PARP12: variants seen among roughly 807,000 people sequenced by gnomAD.
PARP12 encodes the protein poly(ADP-ribose) polymerase family member 12, also known as protein mono-ADP-ribosyltransferase PARP12.
A neutral mutation model predicts 72.4 loss-of-function variants in PARP12; 59 were observed. That is an observed-to-expected ratio of 0.81 (90% CI 0.66 to 1.01). The LOEUF is 1.01. Ranked by LOEUF, PARP12 falls within the 50% of genes least tolerant of loss-of-function variation. The pLI, the probability that PARP12 is intolerant of heterozygous loss-of-function variation, is 0.00. For missense variants in PARP12, 851 were observed against 914.0 expected, an observed-to-expected ratio of 0.93 and a Z score of 0.89; for synonymous variants, 403 against 371.4, an observed-to-expected ratio of 1.09 and a Z score of -0.98.
At position 140,062,582 on chromosome 7, in the gene PARP12, C is replaced by CAGAG; in HGVS notation, c.262_265dup (p.Cys89SerfsTer26). On this transcript the variant is annotated frameshift_variant, in exon 1 of 12. Transcript: ENST00000263549. LOFTEE classifies it high-confidence loss of function. ...GAACCTGCAGAGGTGGAGCTGCGCGCAGAGCCCCACGCAGCCCGGCTTGGA... is the reference window on the plus strand; with the variant it reads ...GAACCTGCAGAGGTGGAGCTGCGCGCAGAGAGAGCCCCACGCAGCCCGGCTTGGA... The CAGAG allele has an allele frequency of 6.5e-7, 1 of 1,543,716 alleles. No individual in the cohort carries two copies. The highest frequency in any genetic ancestry group is 1.2e-5 in the South Asian group (1 of 84,832).
intron 4 of PARP12, among the ~76,000 whole-genome samples, 165 bp from the exon 5 acceptor site, chr7:140,047,172 A>G (rs1816765729): frequency 6.6e-6 from 1 of 152,206 alleles, no homozygotes; most frequent in African/African-American, 2.4e-5. Flanking sequence ...TTAGATACAG[A>G]AACACTTTTT....
rs1289997345 is a variant in PARP12, at chr7:140,037,790, T to C, written c.1249A>G (p.Thr417Ala). 1 of 1,614,214 alleles carries C rather than the reference T, an allele frequency of 6.2e-7. No individual in the cohort carries two copies. The highest frequency in any genetic ancestry group is 1.7e-5 in the Admixed American group (1 of 60,032). ...DVEKAYLAYCTPGSDGQAATL... is the reference protein window; with the variant it reads ...DVEKAYLAYCAPGSDGQAATL... ...GCTGCCTGGCCGTCAGACCCCGGTGTACAGTAGGCCAGGTAGGCCTTCTCC... is the reference window on the plus strand; with the variant it reads ...GCTGCCTGGCCGTCAGACCCCGGTGCACAGTAGGCCAGGTAGGCCTTCTCC... Residue 417 changes from threonine (T) to alanine (A), a missense_variant, in exon 7 of 12, where the codon ACA becomes GCA. By Grantham distance (58) the Thr-to-Ala change is moderately conservative (BLOSUM62 0). Around this residue, in one of 3 missense-constraint regions of PARP12, gnomAD observed 347 missense variants for 396.1 expected, o/e 0.88. Transcript: ENST00000263549.
intron 1 of PARP12, among the ~76,000 whole-genome samples, chr7:140,060,225 C>G (rs1367673580): frequency 6.6e-6 from 1 of 152,204 alleles, no homozygotes; most frequent in Non-Finnish European, 1.5e-5. Context: ...TAGCAAGGAG[C>G]AGAGCCCAGG....
Position 140,062,721 on chromosome 7 carries a change from G to C in PARP12, c.127C>G (p.Leu43Val), listed in dbSNP as rs1322903020. ...ACCACGAAGCGCCCACGCTGCCGCA[G>C]CAGCCGCTCCAGCGCGTCGGCGCTC... The part of the protein sequence containing the change: ...GLSADALERL[L>V]RQRGRFVVAV... Residue 43 changes from leucine (L) to valine (V), a missense_variant, in exon 1 of 12, where the codon CTG becomes GTG. Around this residue, in one of 3 missense-constraint regions of PARP12, gnomAD observed 492 missense variants for 489.3 expected, o/e 1.01. Transcript: ENST00000263549. The C allele has an allele frequency of 3.7e-6, 5 of 1,352,546 alleles. No homozygotes were observed. The highest frequency in any genetic ancestry group is 4.8e-6 in the Non-Finnish European group (5 of 1,045,972). The allele number at this position is 1,352,546 out of a possible 1,614,324, so 83.8% of individuals were successfully genotyped here.
intron 6 of PARP12, among the ~76,000 whole-genome samples, chr7:140,040,778 A>G (rs1470887505): frequency 6.6e-6 from 1 of 152,148 alleles, no homozygotes; most frequent in African/African-American, 2.4e-5. Flanking sequence ...CTAAACTTGT[A>G]CTTGAGATGG....
chr7:140,046,744 G>A (rs1724108191), intron 5 of PARP12, 140 bp downstream of exon 5: 2 of 856,760 alleles, frequency 2.3e-6, no homozygotes, highest in African/African-American at 3.5e-5. Context: ...GTGTGTGTGT[G>A]TGTGTGTGTG....
Position 140,034,254 on chromosome 7 carries a change from C to T in PARP12, c.1402G>A (p.Val468Met), listed in dbSNP as rs1816061034. 47 of 1,613,006 alleles carry T rather than the reference C, an allele frequency of 2.9e-5. No homozygotes were observed. The highest frequency in any genetic ancestry group is 3.8e-5 in the Non-Finnish European group (45 of 1,179,414). The change falls in exon 8 of 12, where the codon GTG becomes ATG. Residue 468 changes from valine to methionine, a missense_variant. Coordinates refer to ENST00000263549, the MANE Select transcript of PARP12 (RefSeq NM_022750.4). ...ACCTACCAGGTTTGCATGGTCGTCA[C>T]ATCCTGGGGAGACACGTATTTGGGT... ...RRPKYVSPQD[V>M]TTMQTCNTKF...
intron 8 of PARP12, among the ~76,000 whole-genome samples, chr7:140,029,683 A>T (rs913149232): frequency 6.6e-6 from 1 of 152,252 alleles, no homozygotes; most frequent in African/African-American, 2.4e-5. Context: ...TGCAAGGAAC[A>T]GGAAACTATA....
rs3216987 is a variant in PARP12, at chr7:140,046,799, A to AGTGTGTGTGTGTGTGTGTGTGT, written c.986+63_986+84dup. ...GGCACCTCCAGACTAGGCTGCTCAC[A>AGTGTGTGTGTGTGTGTGTGTGT]GTGTGTGTGTGTGTGTGTGTGTGTG... On this transcript the variant is annotated intron_variant, in intron 5 of 11. Transcript: ENST00000263549. 1.7e-4 allele frequency: 144 copies of AGTGTGTGTGTGTGTGTGTGTGT among 868,862 alleles called. 2 individuals are homozygous for AGTGTGTGTGTGTGTGTGTGTGT. Among genetic ancestry groups the AGTGTGTGTGTGTGTGTGTGTGT allele is most frequent in the African/African-American group, 8.5e-4 (35 of 41,374 alleles). The allele number at this position is 868,862 out of a possible 1,614,324, so 53.8% of individuals were successfully genotyped here. A position where few individuals can be genotyped will look rare whatever the true frequency, so the allele number is the denominator to read the frequency against.
chr7:140,048,954 T>G (rs897991784), intron 4 of PARP12, among the ~76,000 whole-genome samples: 2 of 152,230 alleles, frequency 1.3e-5, no homozygotes, highest in African/African-American at 4.8e-5. Context: ...TATTTCTTAC[T>G]GAGTGTCCTT....
chr7:140,037,620 C>A, intron 7 of PARP12, 95 bp downstream of exon 7: 1 of 1,535,904 alleles, frequency 6.5e-7, no homozygotes, highest in Non-Finnish European at 8.9e-7. Flanking sequence ...CCCACCCAGG[C>A]CCTCAGTATG....
At chr7:140,027,519 A>G in intron 9 of PARP12, 113 bp from the exon 10 acceptor site, 1 of 1,300,948 alleles carries the variant, frequency 7.7e-7, no homozygotes. Flanking sequence ...AAGCCCAGAG[A>G]GCAGTGACCA....
intron 5 of PARP12, among the ~76,000 whole-genome samples, chr7:140,046,160 G>A (rs1360826264): frequency 6.6e-6 from 1 of 152,188 alleles, no homozygotes; most frequent in Non-Finnish European, 1.5e-5. Context: ...GATTGGGGTG[G>A]TATGTGAACC....
At chr7:140,038,277 C>T (rs966089211) in intron 6 of PARP12, 2 of 985,296 alleles carry the variant, frequency 2.0e-6, no homozygotes, top group African/African-American at 1.7e-5. Context: ...AATCAGAGCT[C>T]GGTCCTCTTC....
At chr7:140,036,391 G>A (rs1339672876) in intron 7 of PARP12, among the ~76,000 whole-genome samples, 1 of 152,156 alleles carries the variant, frequency 6.6e-6, no homozygotes, top group African/African-American at 2.4e-5. Context: ...TCATGCACTG[G>A]TGTGTGTCAG....
intron 8 of PARP12, chr7:140,033,218 G>C (rs372942994): frequency 1.0e-6 from 1 of 985,354 alleles, no homozygotes; most frequent in Non-Finnish European, 1.2e-6. Context: ...ATTTAAAAAG[G>C]AAAAAGTAAG....
Position 140,057,883 on chromosome 7 carries a change from T to C in PARP12, c.462+16A>G. 1 of 1,613,950 alleles carries C rather than the reference T, an allele frequency of 6.2e-7. No individual in the cohort carries two copies. The highest frequency in any genetic ancestry group is 1.7e-4 in the Middle Eastern group (1 of 5,944). ...CCCCAGGGAGCTGTGGAACCCAGAC[T>C]TCCCCTGGCACTCACTTCTGGCAAA... is the stretch of plus-strand genomic sequence containing the variant. On this transcript the variant is annotated intron_variant, in intron 2 of 11. Transcript: ENST00000263549.
At position 140,024,796 on chromosome 7, in the gene PARP12, C is replaced by A; in HGVS notation, c.1870G>T (p.Val624Leu). The change falls in exon 12 of 12, where the codon GTG becomes TTG. Residue 624 changes from valine to leucine, a missense_variant. By Grantham distance (32) the Val-to-Leu change is conservative. This residue lies in a region of PARP12 where 347 missense variants were observed against 396.1 expected (regional missense o/e 0.88). Coordinates refer to ENST00000263549, the MANE Select transcript of PARP12 (RefSeq NM_022750.4). Reference sequence around the variant, plus strand: ...GCATTGCCCCTGACGAACTCGCCCACCAGCACCCGGGCCAGGAACATCGTG... The same window carrying A: ...GCATTGCCCCTGACGAACTCGCCCAACAGCACCCGGGCCAGGAACATCGTG... ...THTMFLARVL[V>L]GEFVRGNASF... 6.2e-7 allele frequency: 1 copy of A among 1,614,180 alleles called. No individual in the cohort carries two copies. The highest frequency in any genetic ancestry group is 8.5e-7 in the Non-Finnish European group (1 of 1,180,026).
chr7:140,056,010 A>G (rs1406312622), intron 3 of PARP12, among the ~76,000 whole-genome samples: 1 of 152,244 alleles, frequency 6.6e-6, no homozygotes, highest in Non-Finnish European at 1.5e-5. Context: ...AGGAATAACC[A>G]GCACCCAAGA....
Sources: allele counts gnomAD v4.1 joint callset (sites outside exome capture counted in the v4.1 genomes callset), GRCh38; gene constraint gnomAD v4.1.1; regional missense constraint gnomAD v4.1.1; transcripts MANE v1.5; gene names NCBI Gene and HGNC (gene_info 2026-07-23, HGNC 2026-07-21).